Variants in REXO1 observed in about 807,000 individuals in gnomAD.
The protein encoded by REXO1 is RNA exonuclease 1 homolog, also known as REX1, RNA exonuclease 1 homolog.
REXO1 carries 42 observed loss-of-function variants against 102.6 expected under a neutral mutation model. The ratio of observed to expected loss-of-function variants is 0.41; its 90% CI spans 0.32 to 0.53. The LOEUF is 0.53. Ranked by LOEUF, REXO1 falls within the 20% of genes least tolerant of loss-of-function variation. The pLI, the probability that REXO1 is intolerant of heterozygous loss-of-function variation, is 0.27. For synonymous variants in REXO1, 908 were observed against 779.1 expected, an observed-to-expected ratio of 1.17 and a Z score of -2.76; for missense variants, 1,819 against 1,732.5, an observed-to-expected ratio of 1.05 and a Z score of -0.89.
Position 1,827,121 on chromosome 19 carries a change from G to GGAGTCT in REXO1, c.1662_1667dup (p.Asp555_Ser556dup). On this transcript the variant is annotated inframe_insertion, in exon 2 of 16. Coordinates refer to ENST00000170168, the MANE Select transcript of REXO1 (RefSeq NM_020695.4). ...CCTGCGCCTCCGGGAAGCCCAGGCT[G>GGAGTCT]GAGTCTGAGTCGGAGTCTGAGTCCG... 1 of 1,542,318 alleles carries GGAGTCT rather than the reference G, an allele frequency of 6.5e-7. No individual in the cohort carries two copies. Among genetic ancestry groups the GGAGTCT allele is most frequent in the Non-Finnish European group, 8.7e-7 (1 of 1,146,016 alleles).
intron 1 of REXO1, among the ~76,000 whole-genome samples, chr19:1,843,378 C>T (rs1011220273): frequency 1.3e-5 from 2 of 152,198 alleles, no homozygotes; most frequent in Non-Finnish European, 2.9e-5. Flanking sequence ...GCAGGCTCGC[C>T]GGCGAGGGCT....
chr19:1,823,605 T>C lies in REXO1; in HGVS notation c.2197A>G (p.Ile733Val). ...AGGCGGGGGTTGGGGATGTGGGCGA[T>C]CCTCCTCTTCTCGCCAGGGGCGGAA... ...HISAPGEKRR[I>V]AHIPNPRLAA... The change falls in exon 4 of 16, where the codon ATC becomes GTC. Residue 733 changes from isoleucine to valine, a missense_variant. Ile to Val is a conservative substitution (Grantham distance 29). Transcript: ENST00000170168. 4 of 1,322,822 alleles carry C rather than the reference T, an allele frequency of 3.0e-6. No homozygotes were observed. The highest frequency in any genetic ancestry group is 3.9e-6 in the Non-Finnish European group (4 of 1,028,120). The allele number at this position is 1,322,822 out of a possible 1,614,324, so 81.9% of individuals were successfully genotyped here.
intron 10 of REXO1, 73 bp from the exon 11 acceptor site, chr19:1,817,853 G>C (rs746645242): frequency 1.7e-5 from 21 of 1,241,928 alleles, no homozygotes; most frequent in East Asian, 4.8e-5. Context: ...CTGACCACCT[G>C]CATCTACCGA....
At position 1,818,539 on chromosome 19, in the gene REXO1, G is replaced by A. The variant is rs777916598; in HGVS notation, c.2959C>T (p.Arg987Cys). The A allele has an allele frequency of 1.9e-5, 31 of 1,612,086 alleles. 1 individual carries two copies. The highest frequency in any genetic ancestry group is 1.7e-4 in the Middle Eastern group (1 of 5,902). ...GTEYLVSSSG[R>C]CIRDEECYYH... ...TAACACTCCTCGTCCCGGATGCAGC[G>A]GCCTGAAGAGGACACGAGGTACTCG... is the stretch of plus-strand genomic sequence containing the variant. Residue 987 changes from arginine (R) to cysteine (C), a missense_variant, in exon 10 of 16, where the codon CGC becomes TGC. Transcript: ENST00000170168.
Position 1,816,701 on chromosome 19 carries a change from G to A in REXO1, c.3314C>T (p.Thr1105Ile). The change falls in exon 13 of 16, where the codon ACC (threonine) becomes ATC (isoleucine). Residue 1105 changes from threonine (T) to isoleucine (I), a missense_variant. Physicochemically the swap from Thr to Ile is moderately conservative, Grantham distance 89. Transcript: ENST00000170168. ...KPDNEIVDYN[T>I]RFSGVTEADL... Reference sequence around the variant, plus strand: ...TCGTGGAGGGCACTGGCCACACCTGGTGTTGTAGTCCACGATCTCGTTGTC... The same window carrying A: ...TCGTGGAGGGCACTGGCCACACCTGATGTTGTAGTCCACGATCTCGTTGTC... The A allele has an allele frequency of 6.2e-7, 1 of 1,612,248 alleles. No individual in the cohort carries two copies. Among genetic ancestry groups the A allele is most frequent in the Non-Finnish European group, 8.5e-7 (1 of 1,179,410 alleles).
At chr19:1,840,015 G>C (rs1334950462) in intron 1 of REXO1, among the ~76,000 whole-genome samples, 1 of 152,220 alleles carries the variant, frequency 6.6e-6, no homozygotes, top group Non-Finnish European at 1.5e-5. Context: ...AGAGGAGGAG[G>C]GAGGGGTCTC....
intron 1 of REXO1, among the ~76,000 whole-genome samples, chr19:1,837,813 G>A (rs964264961): frequency 6.6e-6 from 1 of 152,218 alleles, no homozygotes; most frequent in Non-Finnish European, 1.5e-5. Context: ...ACACGGCAGG[G>A]TCCAGGGGAG....
chr19:1,840,111 G>A (rs1252269090), intron 1 of REXO1, among the ~76,000 whole-genome samples: 11 of 152,200 alleles, frequency 7.2e-5, no homozygotes, highest in African/African-American at 2.7e-4. Flanking sequence ...GAAGCCACAG[G>A]GCGGGGATAC....
intron 1 of REXO1, among the ~76,000 whole-genome samples, chr19:1,830,358 A>G (rs2069869529): frequency 6.6e-6 from 1 of 152,170 alleles, no homozygotes; most frequent in African/African-American, 2.4e-5. Flanking sequence ...AATACTTAAA[A>G]ATAAGCTGAG....
chr19:1,819,267 C>T (rs2069463641), intron 7 of REXO1, 136 bp from the exon 8 acceptor site: 2 of 679,158 alleles, frequency 2.9e-6, no homozygotes, highest in East Asian at 2.9e-5. Context: ...CCCCACTGAC[C>T]CCGGGTTCCA....
At chr19:1,833,299 C>T (rs1415670825) in intron 1 of REXO1, among the ~76,000 whole-genome samples, 2 of 152,320 alleles carry the variant, frequency 1.3e-5, no homozygotes, top group East Asian at 1.9e-4. Context: ...CTCGGAACTC[C>T]GCGGGACTGT....
At chr19:1,841,084 A>G (rs550695877) in intron 1 of REXO1, among the ~76,000 whole-genome samples, 1 of 152,366 alleles carries the variant, frequency 6.6e-6, no homozygotes, top group South Asian at 2.1e-4. Flanking sequence ...CAGCCAGTGC[A>G]CATGCGGCTC....
intron 1 of REXO1, among the ~76,000 whole-genome samples, chr19:1,832,383 T>C (rs908847604): frequency 6.6e-6 from 1 of 152,114 alleles, no homozygotes. Flanking sequence ...GTGATGAAAG[T>C]GCAGTGGAAA....
At chr19:1,822,090 A>G (rs1027651324) in intron 4 of REXO1, 29 of 430,280 alleles carry the variant, frequency 6.7e-5, no homozygotes, top group Non-Finnish European at 9.7e-5. Flanking sequence ...TTGCCCTTTG[A>G]TGAAGTCACA....
chr19:1,826,738 G>C lies in REXO1; in HGVS notation c.1911+140C>G. The stretch of plus-strand genomic sequence containing the variant: ...GCTCCTGAGCTCCTGAGATTTCAAC[G>C]GGCTCAGGGACCAGCACTGAGGAGC... On this transcript the variant is annotated intron_variant, in intron 2 of 15. Coordinates refer to ENST00000170168, the MANE Select transcript of REXO1 (RefSeq NM_020695.4). The surrounding 1 kb of genome is among the most constrained non-coding windows in gnomAD (Gnocchi z 4.3). 1 of 1,382,974 alleles carries C rather than the reference G, an allele frequency of 7.2e-7. No individual in the cohort carries two copies. Among genetic ancestry groups the C allele is most frequent in the Non-Finnish European group, 9.5e-7 (1 of 1,051,744 alleles). 85.7% of individuals were successfully genotyped at this position (1,382,974 alleles called of 1,614,324 possible).
At chr19:1,838,225 G>A (rs2070097570) in intron 1 of REXO1, among the ~76,000 whole-genome samples, 1 of 151,618 alleles carries the variant, frequency 6.6e-6, no homozygotes, top group East Asian at 1.9e-4. Flanking sequence ...GCTGAGGCAG[G>A]AGAATTGCTT....
At chr19:1,825,618 G>A (rs1476583259) in intron 3 of REXO1, among the ~76,000 whole-genome samples, 1 of 151,920 alleles carries the variant, frequency 6.6e-6, no homozygotes, top group Admixed American at 6.6e-5. Flanking sequence ...TGGTATTACA[G>A]GCACCCATCA....
rs1395385314 is a variant in REXO1, at chr19:1,816,126, G to A, written c.3606C>T (p.Ala1202=). 1.2e-5 allele frequency: 18 copies of A among 1,549,936 alleles called. No homozygotes were observed. Among genetic ancestry groups the A allele is most frequent in the East Asian group, 2.4e-5 (1 of 40,948 alleles). ...AGATCACCAGGTGCATGCAGGCGCC[G>A]GCGTCCTCGCTGGAGCTGTGCCCAT... ...NVDGHSSSED[A]GACMHLVIWK... Residue 1202 remains alanine (A), a synonymous_variant, in exon 16 of 16, where the codon GCC becomes GCT. Transcript: ENST00000170168.
rs2069394760 is a variant in REXO1 at position 1,817,224 on chromosome 19, C to T, written c.3196G>A (p.Glu1066Lys). ...THPGIYALDC[E>K]MSYTTYGLEL... The stretch of plus-strand genomic sequence containing the variant: ...TGGGCAGAGAACAGCCTCACCATCT[C>T]GCAGTCCAGGGCGTAGATCCCCGGG... The change falls in exon 12 of 16, where the codon GAG (glutamate) becomes AAG (lysine). Residue 1066 changes from glutamate (E) to lysine (K), a missense_variant. Coordinates refer to ENST00000170168, the MANE Select transcript of REXO1 (RefSeq NM_020695.4). The T allele has an allele frequency of 1.9e-6, 3 of 1,612,534 alleles. No homozygotes were observed. The highest frequency in any genetic ancestry group is 2.5e-6 in the Non-Finnish European group (3 of 1,179,978).
Sources: gnomAD v4.1 joint callset for allele counts (sites outside exome capture counted in the v4.1 genomes callset) on GRCh38, gnomAD v4.1.1 for gene constraint, Gnocchi (gnomAD v3.1) non-coding constraint, MANE v1.5 for transcripts, NCBI Gene and HGNC (gene_info 2026-07-23, HGNC 2026-07-21) for gene names.